The following ROCK1 variants were observed in gnomAD, a reference collection of about 807,000 sequenced individuals.
ROCK1 encodes Rho associated coiled-coil containing protein kinase 1, also known as rho-associated protein kinase 1.
ROCK1 carries 36 observed loss-of-function variants against 196.8 expected under a neutral mutation model. The observed-to-expected ratio is 0.18, with a 90% confidence interval of 0.14 to 0.24. The LOEUF is 0.24. Among genes scored for constraint, ROCK1 ranks in the 10% least tolerant of loss-of-function variants. ROCK1 has a pLI of 1.00. For synonymous variants in ROCK1, 443 were observed against 515.9 expected (o/e 0.86, Z 1.91); for missense variants, 920 against 1,562.0 (o/e 0.59, Z 6.93).
chr18:21,051,907 T>C (rs1390313613), intron 2 of ROCK1, among the ~76,000 whole-genome samples: 1 of 152,110 alleles, frequency 6.6e-6, no homozygotes, highest in Non-Finnish European at 1.5e-5. Flanking sequence ...CAAACTTACA[T>C]TTCAGGAAAA....
intron 2 of ROCK1, among the ~76,000 whole-genome samples, chr18:21,059,715 T>G (rs932249890): frequency 6.6e-6 from 1 of 152,134 alleles, no homozygotes; most frequent in Non-Finnish European, 1.5e-5. Context: ...TAAAAACATA[T>G]GTCTACACAA....
intron 1 of ROCK1, among the ~76,000 whole-genome samples, chr18:21,104,658 C>A (rs1409319508): frequency 6.6e-6 from 1 of 152,196 alleles, no homozygotes; most frequent in Non-Finnish European, 1.5e-5. Context: ...CGTCTCTACA[C>A]ACCCACAGGG....
At chr18:21,042,459 A>T in intron 7 of ROCK1, 106 bp downstream of exon 7, 5 of 1,279,668 alleles carry the variant, frequency 3.9e-6, no homozygotes, top group Non-Finnish European at 5.3e-6. Flanking sequence ...ATTACCCACA[A>T]ATAAAATCAA....
chr18:20,993,183 A>G (rs2035641062), intron 16 of ROCK1, among the ~76,000 whole-genome samples: 1 of 152,238 alleles, frequency 6.6e-6, no homozygotes, highest in Admixed American at 6.5e-5. Flanking sequence ...AGCTTGAGCT[A>G]GAAATCAGAT....
At chr18:21,006,945 A>G (rs1288144714) in intron 14 of ROCK1, among the ~76,000 whole-genome samples, 155 bp from the exon 15 acceptor site, 1 of 152,210 alleles carries the variant, frequency 6.6e-6, no homozygotes, top group African/African-American at 2.4e-5. Flanking sequence ...AAGTACCTGC[A>G]TTTTAAATTC....
chr18:21,015,243 G>A (rs2035853175), intron 13 of ROCK1, among the ~76,000 whole-genome samples, 188 bp downstream of exon 13: 1 of 151,998 alleles, frequency 6.6e-6, no homozygotes, highest in Admixed American at 6.6e-5. Flanking sequence ...ATTGTACAAA[G>A]GAAACTAAAT....
At chr18:20,968,549 G>A (rs1302160925) in intron 25 of ROCK1, 2 of 432,292 alleles carry the variant, frequency 4.6e-6, no homozygotes, top group Non-Finnish European at 8.1e-6. Flanking sequence ...TAAGTGTTCT[G>A]CTGGCCTCAG....
intron 9 of ROCK1, among the ~76,000 whole-genome samples, chr18:21,032,834 TTAGATAACTTAGATGAAA>T (rs1466902963): frequency 6.6e-6 from 1 of 151,484 alleles, no homozygotes; most frequent in East Asian, 2.0e-4. Context: ...CAGTGACAAA[TTAGATAACTTAGATGAAA>T]TAGAGACATT....
In ROCK1 at chr18:20,948,724, T is replaced by C. The variant is rs2035153392; in HGVS notation, c.*2660A>G. 1 of 151,722 alleles carries C rather than the reference T, an allele frequency of 6.6e-6. No individual in the cohort carries two copies. The highest frequency in any genetic ancestry group is 1.5e-5 in the Non-Finnish European group (1 of 67,992). 9.4% of individuals were successfully genotyped at this position (151,722 alleles called of 1,614,324 possible). ...AAGCTAGAGGCTATATTTCTCAGAC[T>C]TTCTTGCAGCTAGGGGTCTGGATGT... On this transcript the variant is annotated 3_prime_UTR_variant, in exon 33 of 33. Transcript: ENST00000399799.
intron 12 of ROCK1, among the ~76,000 whole-genome samples, chr18:21,018,530 C>CA (rs200960983): frequency 0.029 from 2,704 of 91,824 alleles, 26 homozygotes; most frequent in Middle Eastern, 0.037. Context: ...GATTTCGTCT[C>CA]AAAAAAAAAA....
At chr18:21,063,785 T>G (rs1243215027) in intron 2 of ROCK1, among the ~76,000 whole-genome samples, 1 of 152,204 alleles carries the variant, frequency 6.6e-6, no homozygotes, top group Non-Finnish European at 1.5e-5. Context: ...ACAATAGTTG[T>G]GTTGGAAAAA....
chr18:21,068,031 C>T (rs1290064673), intron 2 of ROCK1, among the ~76,000 whole-genome samples: 5 of 152,124 alleles, frequency 3.3e-5, no homozygotes, highest in African/African-American at 9.7e-5. Context: ...CTTATCTTTT[C>T]ATTTTCTGAA....
At chr18:20,960,917 T>C (rs1169718368) in intron 27 of ROCK1, among the ~76,000 whole-genome samples, 1 of 152,184 alleles carries the variant, frequency 6.6e-6, no homozygotes, top group Non-Finnish European at 1.5e-5. Context: ...CTCTTAAGTT[T>C]CTGATATCAC....
intron 27 of ROCK1, among the ~76,000 whole-genome samples, chr18:20,965,498 T>C (rs1300442145): frequency 1.3e-5 from 2 of 152,134 alleles, no homozygotes; most frequent in East Asian, 1.9e-4. Flanking sequence ...AGAATCCCTA[T>C]ACTAAATAAC....
chr18:20,972,951 C>T (rs2035443520), intron 22 of ROCK1, among the ~76,000 whole-genome samples: 2 of 152,212 alleles, frequency 1.3e-5, no homozygotes, highest in South Asian at 4.1e-4. Flanking sequence ...GTGATCTTGG[C>T]TCACTGCAAA....
At chr18:21,015,668 A>G (rs555205297) in intron 12 of ROCK1, among the ~76,000 whole-genome samples, 189 bp from the exon 13 acceptor site, 1 of 152,196 alleles carries the variant, frequency 6.6e-6, no homozygotes, top group East Asian at 1.9e-4. Context: ...CAAAAATTAT[A>G]TATGATTAAA....
intron 21 of ROCK1, among the ~76,000 whole-genome samples, chr18:20,980,700 A>C (rs959047164): frequency 6.6e-5 from 10 of 150,644 alleles, no homozygotes; most frequent in African/African-American, 2.4e-4. Flanking sequence ...GCAGATCACA[A>C]GGTCAGGAGA....
rs181436728 is a variant in ROCK1, at chr18:21,101,047, C to G, written c.93+9771G>C. On this transcript the variant is annotated intron_variant, in intron 1 of 32. Transcript: ENST00000399799. ...TTGTGGCATATCTATCATAATAAGT[C>G]TCCAAAATACCTTGCTATAACAAGT... Among the ~76,000 whole-genome samples, 18 of 152,282 alleles carry G rather than the reference C, an allele frequency of 1.2e-4. No individual in the cohort carries two copies. The East Asian group carries it at 3.5e-3, about 29-fold the overall frequency.
At chr18:21,025,562 C>A (rs1313406760) in intron 10 of ROCK1, among the ~76,000 whole-genome samples, 1 of 152,012 alleles carries the variant, frequency 6.6e-6, no homozygotes, top group African/African-American at 2.4e-5. Flanking sequence ...CATGGCAAAA[C>A]CCCATCTCTA....
Sources: gnomAD v4.1 joint callset for allele counts (sites outside exome capture counted in the v4.1 genomes callset) on GRCh38, gnomAD v4.1.1 for gene constraint, MANE v1.5 for transcripts, NCBI Gene and HGNC (gene_info 2026-07-23, HGNC 2026-07-21) for gene names.